Variants in NCKAP5 observed in about 807,000 individuals in gnomAD.
NCKAP5 encodes the protein nck-associated protein 5.
NCKAP5 carries 92 observed loss-of-function variants against 167.0 expected under a neutral mutation model. That is an observed-to-expected ratio of 0.55 (90% CI 0.47 to 0.66). The LOEUF (loss-of-function observed/expected upper bound fraction) is 0.66, where lower values mean the gene tolerates loss of function less well. Among genes scored for constraint, NCKAP5 ranks in the 30% least tolerant of loss-of-function variants. The pLI is 0.00. For synonymous variants in NCKAP5, 891 were observed against 877.4 expected, an observed-to-expected ratio of 1.02 and a Z score of -0.27; for missense variants, 2,378 against 2,315.0, an observed-to-expected ratio of 1.03 and a Z score of -0.56.
At chr2:132,900,166 C>T (rs1693508046) in intron 8 of NCKAP5, among the ~76,000 whole-genome samples, 2 of 152,172 alleles carry the variant, frequency 1.3e-5, no homozygotes, top group African/African-American at 4.8e-5. Context: ...GAACACTGAT[C>T]ACAGATTACC....
At chr2:133,617,575 A>T in the NCKAP5 span, among the ~76,000 whole-genome samples, 4 of 139,544 alleles carry the variant, frequency 2.9e-5, no homozygotes, top group African/African-American at 5.3e-5. Flanking sequence ...AGAATAAAAT[A>T]CCTAGGAATC....
At chr2:132,674,798 C>T (rs959888400) in intron 19 of NCKAP5, among the ~76,000 whole-genome samples, 1 of 152,082 alleles carries the variant, frequency 6.6e-6, no homozygotes, top group Non-Finnish European at 1.5e-5. Context: ...TGAAAATCAT[C>T]CTAGATCTAG....
At chr2:132,709,657 T>C (rs1427252282) in intron 19 of NCKAP5, among the ~76,000 whole-genome samples, 1 of 152,088 alleles carries the variant, frequency 6.6e-6, no homozygotes, top group Non-Finnish European at 1.5e-5. Context: ...GAGAGTATTA[T>C]AACTAGTAAT....
At chr2:133,000,484 A>C (rs1467931900) in intron 6 of NCKAP5, among the ~76,000 whole-genome samples, 1 of 152,182 alleles carries the variant, frequency 6.6e-6, no homozygotes, top group Non-Finnish European at 1.5e-5. Flanking sequence ...GAAAAGAAGG[A>C]ATACTTGCAA....
the NCKAP5 span, among the ~76,000 whole-genome samples, chr2:133,656,460 G>A: frequency 0.011 from 1,673 of 152,268 alleles, 32 homozygotes; most frequent in African/African-American, 0.038. Context: ...TGAATAATGG[G>A]ACAGGAGACA....
At chr2:133,381,630 T>TACTGATCTAAAGAAATCACAGTGGCC (rs1441259560) in intron 3 of NCKAP5, 5 of 152,226 alleles carry the variant, frequency 3.3e-5, no homozygotes, top group African/African-American at 9.7e-5. Context: ...CAGGAGGAAA[T>TACTGATCTAAAGAAATCACAGTGGCC]ACTGATCTAA....
intron 10 of NCKAP5, among the ~76,000 whole-genome samples, chr2:132,861,109 C>T (rs762321191): frequency 2.0e-5 from 3 of 151,798 alleles, no homozygotes; most frequent in Non-Finnish European, 2.9e-5. Flanking sequence ...ATGCATTTAG[C>T]GGGAGAGAAA....
rs139770912 is a variant in NCKAP5 at position 132,784,606 on chromosome 2, A to C, written c.2205T>G (p.Ser735=). Residue 735 remains serine, a synonymous_variant, in exon 14 of 20, where the codon TCT becomes TCG. Coordinates refer to ENST00000409261, the MANE Select transcript of NCKAP5 (RefSeq NM_207363.3). ...AARDYTFFKR[S]EEDTEKNIPK... ...GAATGTTTTTCTCAGTGTCCTCTTC[A>C]GACCTTTTAAAGAAAGTATAGTCTC... The C allele has an allele frequency of 1.3e-5, 21 of 1,608,970 alleles. No homozygotes were observed. Among genetic ancestry groups the C allele is most frequent in the African/African-American group, 2.7e-5 (2 of 74,736 alleles).
At chr2:133,174,315 G>C (rs1445357630) in intron 5 of NCKAP5, among the ~76,000 whole-genome samples, 1 of 152,126 alleles carries the variant, frequency 6.6e-6, no homozygotes, top group Admixed American at 6.6e-5. Flanking sequence ...GGTGCCACTA[G>C]ATCTTAATAC....
At chr2:132,897,816 T>C (rs1334311767) in intron 8 of NCKAP5, among the ~76,000 whole-genome samples, 2 of 152,212 alleles carry the variant, frequency 1.3e-5, no homozygotes, top group African/African-American at 4.8e-5. Context: ...AATTCAAAAA[T>C]AGTGCATTGC....
chr2:133,172,750 C>G (rs1253666529), intron 5 of NCKAP5, among the ~76,000 whole-genome samples: 1 of 152,132 alleles, frequency 6.6e-6, no homozygotes, highest in African/African-American at 2.4e-5. Context: ...CGGGTTCATG[C>G]CATTCTCCTG....
intron 6 of NCKAP5, among the ~76,000 whole-genome samples, chr2:133,119,240 G>A (rs961779781): frequency 4.6e-5 from 7 of 152,270 alleles, no homozygotes; most frequent in African/African-American, 1.7e-4. Context: ...CTGACCTCAG[G>A]TAATCCACTT....
In NCKAP5 at chr2:132,782,902, G is replaced by A; in HGVS notation, c.3909C>T (p.Thr1303=). The change falls in exon 14 of 20, where the codon ACC becomes ACT. Residue 1303 remains threonine, a synonymous_variant. Transcript: ENST00000409261. ...GAGAATTGCCTCTCTCGGCGGTATT[G>A]GTAATGATCTGAGTGCGGACTTTGC... The part of the protein sequence containing the change: ...GSGKVRTQII[T]NTAERGNSLT... 6.2e-7 allele frequency: 1 copy of A among 1,613,984 alleles called. No homozygotes were observed. The highest frequency in any genetic ancestry group is 8.5e-7 in the Non-Finnish European group (1 of 1,179,896).
At chr2:133,225,175 A>G (rs1215592497) in intron 4 of NCKAP5, among the ~76,000 whole-genome samples, 2 of 152,206 alleles carry the variant, frequency 1.3e-5, no homozygotes, top group Non-Finnish European at 2.9e-5. Flanking sequence ...TGTTCCATCA[A>G]TTTTGGTAAC....
At chr2:133,594,696 G>A in the NCKAP5 span, among the ~76,000 whole-genome samples, 1 of 151,984 alleles carries the variant, frequency 6.6e-6, no homozygotes, top group African/African-American at 2.4e-5. Context: ...TTTCTTGCAG[G>A]GTTTTGTCAA....
intron 7 of NCKAP5, among the ~76,000 whole-genome samples, chr2:132,989,379 C>T (rs2077388057): frequency 6.6e-6 from 1 of 152,068 alleles, no homozygotes; most frequent in Admixed American, 6.6e-5. Flanking sequence ...AAATATGAAA[C>T]ATAACACATA....
At chr2:133,243,047 A>G (rs991448149) in intron 4 of NCKAP5, among the ~76,000 whole-genome samples, 2 of 152,212 alleles carry the variant, frequency 1.3e-5, no homozygotes, top group African/African-American at 4.8e-5. Context: ...ATATTATGCT[A>G]TAAAATCAAA....
At chr2:132,962,600 T>C (rs575882641) in intron 8 of NCKAP5, among the ~76,000 whole-genome samples, 2 of 152,120 alleles carry the variant, frequency 1.3e-5, no homozygotes, top group South Asian at 4.2e-4. Context: ...TTTTTTTGTT[T>C]GTTTGTTTGT....
chr2:133,299,408 T>A (rs1197302664), intron 4 of NCKAP5, among the ~76,000 whole-genome samples: 1 of 152,046 alleles, frequency 6.6e-6, no homozygotes, highest in Non-Finnish European at 1.5e-5. Flanking sequence ...ACCTGCCATC[T>A]CTGTGTACAG....
Sources: gnomAD v4.1 joint callset for allele counts (sites outside exome capture counted in the v4.1 genomes callset) on GRCh38, gnomAD v4.1.1 for gene constraint, MANE v1.5 for transcripts, NCBI Gene and HGNC (gene_info 2026-07-23, HGNC 2026-07-21) for gene names.